Variants in FSTL4 observed in about 807,000 individuals in gnomAD.
FSTL4 encodes the protein follistatin like 4.
FSTL4 carries 28 observed loss-of-function variants against 78.2 expected under a neutral mutation model. The ratio of observed to expected loss-of-function variants is 0.36; its 90% CI spans 0.27 to 0.49. FSTL4 has a LOEUF of 0.49. Among genes scored for constraint, FSTL4 ranks in the 20% least tolerant of loss-of-function variants. The pLI is 0.98. For synonymous variants in FSTL4, 422 were observed against 440.5 expected, an observed-to-expected ratio of 0.96 and a Z score of 0.53; for missense variants, 922 against 1,084.9, an observed-to-expected ratio of 0.85 and a Z score of 2.11.
At position 133,197,166 on chromosome 5, in the gene FSTL4, T is replaced by C. The variant is rs1296092829; in HGVS notation, c.*1929A>G. ...TTCCTCCTTTAGGCTCAGAGATCCT[T>C]TTTCTGTCAGGGGCTGATACAATGG... On this transcript the variant is annotated 3_prime_UTR_variant, in exon 16 of 16. Coordinates refer to ENST00000265342, the MANE Select transcript of FSTL4 (RefSeq NM_015082.2). The C allele has an allele frequency of 6.6e-6, 1 of 152,090 alleles. No homozygotes were observed. Among genetic ancestry groups the C allele is most frequent in the Admixed American group, 6.5e-5 (1 of 15,268 alleles). The allele number at this position is 152,090 out of a possible 1,614,324, so 9.4% of individuals were successfully genotyped here.
intron 4 of FSTL4, among the ~76,000 whole-genome samples, chr5:133,393,971 A>G (rs1296058870): frequency 5.3e-5 from 8 of 152,200 alleles, no homozygotes; most frequent in Non-Finnish European, 1.2e-4. Flanking sequence ...GAAGAAGCAT[A>G]AAGCAATTGC....
chr5:133,736,293 A>G, the FSTL4 span, among the ~76,000 whole-genome samples: 3 of 152,202 alleles, frequency 2.0e-5, no homozygotes, highest in Non-Finnish European at 2.9e-5. Context: ...AGTCCAGGAT[A>G]CCAGTTATTA....
intron 4 of FSTL4, among the ~76,000 whole-genome samples, chr5:133,320,077 C>T (rs539291336): frequency 1.3e-5 from 2 of 152,240 alleles, no homozygotes; most frequent in East Asian, 1.9e-4. Flanking sequence ...GGCTCCCTGC[C>T]TTCACTCCCT....
chr5:133,392,004 T>C (rs187686452), intron 4 of FSTL4, among the ~76,000 whole-genome samples: 13 of 152,322 alleles, frequency 8.5e-5, no homozygotes, highest in Non-Finnish European at 1.2e-4. Flanking sequence ...ATCTGATGCA[T>C]AGTACATGAA....
At chr5:133,692,251 G>A in the FSTL4 span, among the ~76,000 whole-genome samples, 2 of 152,148 alleles carry the variant, frequency 1.3e-5, no homozygotes, top group Admixed American at 6.5e-5. Flanking sequence ...CATGAGTAGG[G>A]CACATTCACG....
chr5:133,570,127 T>A (rs1312058064), intron 2 of FSTL4, among the ~76,000 whole-genome samples: 1 of 151,254 alleles, frequency 6.6e-6, no homozygotes, highest in Middle Eastern at 3.2e-3. Context: ...GAGAATGGAC[T>A]GAACCCGGGA....
chr5:133,751,456 A>C, the FSTL4 span, among the ~76,000 whole-genome samples: 1 of 152,204 alleles, frequency 6.6e-6, no homozygotes, highest in Non-Finnish European at 1.5e-5. Flanking sequence ...TTGTTATCTA[A>C]GGAAATTGTG....
At chr5:133,648,918 C>T in the FSTL4 span, among the ~76,000 whole-genome samples, 4 of 152,106 alleles carry the variant, frequency 2.6e-5, no homozygotes, top group Non-Finnish European at 4.4e-5. Flanking sequence ...CTCTTGGTGT[C>T]GTACATTCTA....
chr5:133,284,835 C>T (rs1753093156), intron 6 of FSTL4, among the ~76,000 whole-genome samples: 1 of 152,160 alleles, frequency 6.6e-6, no homozygotes, highest in South Asian at 2.1e-4. Context: ...AACATATTAG[C>T]TTTTTGCTTG....
At position 133,611,231 on chromosome 5, in the gene FSTL4, T is replaced by C. The variant is rs888251452; in HGVS notation, c.-11+1094A>G. Among the ~76,000 whole-genome samples the C allele has an allele frequency of 6.6e-6, 1 of 152,072 alleles. No individual in the cohort carries two copies. The highest frequency in any genetic ancestry group is 1.9e-4 in the East Asian group (1 of 5,150). ...ACCGACCTCGCCGGGCCCGCCCCGCTGACCCGCGCACTCCTAGTGCACTTG... is the reference window on the plus strand; with the variant it reads ...ACCGACCTCGCCGGGCCCGCCCCGCCGACCCGCGCACTCCTAGTGCACTTG... On this transcript the variant is annotated intron_variant, in intron 1 of 15. Transcript: ENST00000265342. This position sits in a 1 kb window ranked among gnomAD's most constrained non-coding sequence, Gnocchi z 4.9.
At chr5:133,461,350 C>T (rs982872076) in intron 3 of FSTL4, among the ~76,000 whole-genome samples, 15 of 152,198 alleles carry the variant, frequency 9.9e-5, no homozygotes, top group African/African-American at 3.6e-4. Context: ...GTGACTGTCA[C>T]ATTTTTGGCA....
chr5:133,239,834 C>G (rs979454836), intron 7 of FSTL4, among the ~76,000 whole-genome samples: 11 of 152,110 alleles, frequency 7.2e-5, no homozygotes, highest in African/African-American at 2.7e-4. Flanking sequence ...GTGTCTAGCT[C>G]AGGGATTATA....
the FSTL4 span, among the ~76,000 whole-genome samples, chr5:133,683,028 G>T: frequency 6.6e-6 from 1 of 152,226 alleles, no homozygotes; most frequent in African/African-American, 2.4e-5. Context: ...TAGCCTTTGG[G>T]ATGTGGTTGA....
intron 3 of FSTL4, among the ~76,000 whole-genome samples, chr5:133,542,614 T>G (rs1404567531): frequency 1.3e-5 from 2 of 152,230 alleles, no homozygotes; most frequent in African/African-American, 4.8e-5. Flanking sequence ...GTTAGAAATC[T>G]GATTATATTT....
the FSTL4 span, among the ~76,000 whole-genome samples, chr5:133,811,881 T>C: frequency 1.3e-5 from 2 of 152,182 alleles, no homozygotes; most frequent in South Asian, 2.1e-4. Context: ...GGTCATAGAC[T>C]CAAGACCCTC....
intron 3 of FSTL4, among the ~76,000 whole-genome samples, chr5:133,419,150 T>C (rs1293941853): frequency 6.6e-6 from 1 of 152,180 alleles, no homozygotes; most frequent in Non-Finnish European, 1.5e-5. Flanking sequence ...TTTTTTGAGA[T>C]GGAGTCTCAC....
chr5:133,678,521 G>T, the FSTL4 span, among the ~76,000 whole-genome samples: 38,467 of 151,952 alleles, frequency 0.25, 5,034 homozygotes, highest in Admixed American at 0.33. Flanking sequence ...AGCATTAACC[G>T]AGATGGGGAA....
At chr5:133,635,694 C>T in the FSTL4 span, among the ~76,000 whole-genome samples, 67,167 of 151,992 alleles carry the variant, frequency 0.44, 15,076 homozygotes, top group East Asian at 0.5. Context: ...ACCCAGGAGA[C>T]GGAGGTTGCG....
At chr5:133,206,963 T>C (rs746135695) in intron 14 of FSTL4, among the ~76,000 whole-genome samples, 6 of 152,184 alleles carry the variant, frequency 3.9e-5, no homozygotes, top group East Asian at 3.8e-4. Context: ...TTTGAGACCA[T>C]TGGTAGTTTT....
Sources: allele counts gnomAD v4.1 joint callset (sites outside exome capture counted in the v4.1 genomes callset), GRCh38; gene constraint gnomAD v4.1.1; non-coding constraint Gnocchi (gnomAD v3.1); transcripts MANE v1.5; gene names NCBI Gene and HGNC (gene_info 2026-07-23, HGNC 2026-07-21).